PTPRN2: variants seen among roughly 807,000 people sequenced by gnomAD.
The protein encoded by PTPRN2 is protein tyrosine phosphatase receptor type N2.
A neutral mutation model predicts 118.8 loss-of-function variants in PTPRN2; 74 were observed. That is an observed-to-expected ratio of 0.62 (90% CI 0.52 to 0.76). PTPRN2 has a LOEUF of 0.76. PTPRN2 is among the 30% of genes least tolerant of loss of function. The probability of loss-of-function intolerance (pLI) is 0.00; values close to 1 mark genes in which losing one functional copy is unlikely to be tolerated. For missense variants in PTPRN2, 1,481 were observed against 1,394.4 expected, an observed-to-expected ratio of 1.06 and a Z score of -0.99; for synonymous variants, 641 against 608.0, an observed-to-expected ratio of 1.05 and a Z score of -0.80.
chr7:158,271,977 T>C (rs547060382), intron 3 of PTPRN2, among the ~76,000 whole-genome samples: 5 of 152,328 alleles, frequency 3.3e-5, no homozygotes, highest in Non-Finnish European at 7.3e-5. Flanking sequence ...TAATAAGTAA[T>C]TTGTACTTAT....
intron 12 of PTPRN2, among the ~76,000 whole-genome samples, chr7:157,788,673 A>T (rs768941953): frequency 6.6e-6 from 1 of 152,244 alleles, no homozygotes; most frequent in East Asian, 1.9e-4. Flanking sequence ...TGCGGGGAAG[A>T]TGTGTGCTCT....
intron 2 of PTPRN2, among the ~76,000 whole-genome samples, chr7:158,449,763 A>T (rs1817975737): frequency 6.6e-6 from 1 of 152,258 alleles, no homozygotes; most frequent in Non-Finnish European, 1.5e-5. Flanking sequence ...CAGCCCCTGC[A>T]CTGGTGACCC....
chr7:158,228,690 C>A (rs1828977040), intron 3 of PTPRN2, among the ~76,000 whole-genome samples: 2 of 152,114 alleles, frequency 1.3e-5, no homozygotes, highest in African/African-American at 4.8e-5. Context: ...CATGTCTGCA[C>A]CATCCCTCCT....
intron 21 of PTPRN2, among the ~76,000 whole-genome samples, chr7:157,558,005 A>G (rs221281): frequency 0.48 from 71,131 of 147,924 alleles, 17,586 homozygotes; most frequent in South Asian, 0.7. Context: ...CCATCCCATA[A>G]TACTGTTGAG....
chr7:158,168,874 C>T (rs1413211322), intron 5 of PTPRN2, among the ~76,000 whole-genome samples: 1 of 152,200 alleles, frequency 6.6e-6, no homozygotes, highest in African/African-American at 2.4e-5. Flanking sequence ...GTACCTCTGA[C>T]TTGGGCTTCA....
In PTPRN2 at chr7:158,188,064, C is replaced by T. The variant is rs555306398; in HGVS notation, c.549+4263G>A. Reference sequence around the variant, plus strand: ...CAGCAGCCCTGGGGAGCGGCAGGGTCGCAACCCAAGAGATGAACCCCCAGT... The same window carrying T: ...CAGCAGCCCTGGGGAGCGGCAGGGTTGCAACCCAAGAGATGAACCCCCAGT... On this transcript the variant is annotated intron_variant, in intron 5 of 22. Transcript: ENST00000389418. 5.9e-5 allele frequency among the ~76,000 whole-genome samples: 9 copies of T among 152,242 alleles called. No homozygotes were observed. In the South Asian group the frequency reaches 1.5e-3, roughly 25 times the overall value.
rs940968861 is a variant in PTPRN2 at position 157,917,199 on chromosome 7, C to T, written c.1724-18462G>A. The stretch of plus-strand genomic sequence containing the variant: ...AGGACAGGCTGCCGCAGCTGGGGAG[C>T]TTCTGGTTCCCCTTCTTTGCTGTTG... On this transcript the variant is annotated intron_variant, in intron 11 of 22. Transcript: ENST00000389418. Among the ~76,000 whole-genome samples, 8 of 152,278 alleles carry T rather than the reference C, an allele frequency of 5.3e-5. No homozygotes were observed. The East Asian group carries it at 5.8e-4, about 11-fold the overall frequency.
At chr7:157,577,822 C>T (rs1005134464) in intron 18 of PTPRN2, among the ~76,000 whole-genome samples, 199 bp downstream of exon 18, 1 of 151,986 alleles carries the variant, frequency 6.6e-6, no homozygotes. Context: ...CAGCCTCCGT[C>T]CCCTGAACAT....
chr7:157,720,628 C>T (rs1053778608), intron 12 of PTPRN2, among the ~76,000 whole-genome samples: 3 of 152,236 alleles, frequency 2.0e-5, no homozygotes, highest in Non-Finnish European at 4.4e-5. Flanking sequence ...GTGGCTTCCA[C>T]GAGCTACCTC....
chr7:157,928,052 T>C (rs1799128953), intron 11 of PTPRN2, among the ~76,000 whole-genome samples: 2 of 152,162 alleles, frequency 1.3e-5, no homozygotes, highest in South Asian at 2.1e-4. Flanking sequence ...ACTGGGAACA[T>C]GACAGGTGGC....
rs746538756 is a variant in PTPRN2, at chr7:157,881,168, A to G, written c.1788+17505T>C. ...TGTGGAGATGGAGGTGTTTACAGGA[A>G]TCATTACGGTAAAATGAGGTCATGA... On this transcript the variant is annotated intron_variant, in intron 12 of 22. Transcript: ENST00000389418. This position sits in a 1 kb window ranked among gnomAD's most constrained non-coding sequence, Gnocchi z 4.7. 4.0e-4 allele frequency among the ~76,000 whole-genome samples: 54 copies of G among 134,954 alleles called. No homozygotes were observed. The highest frequency in any genetic ancestry group is 1.1e-3 in the African/African-American group (35 of 30,992). The allele number at this position is 134,954 out of a possible 152,430, so 88.5% of individuals were successfully genotyped here. A position where few individuals can be genotyped will look rare whatever the true frequency, so the allele number is the denominator to read the frequency against.
At chr7:157,996,608 G>A (rs1804765880) in intron 11 of PTPRN2, among the ~76,000 whole-genome samples, 1 of 152,172 alleles carries the variant, frequency 6.6e-6, no homozygotes, top group African/African-American at 2.4e-5. Context: ...TTGGAGGGTG[G>A]TGTGGGTTTG....
intron 2 of PTPRN2, among the ~76,000 whole-genome samples, chr7:158,437,786 A>G (rs1182460590): frequency 6.6e-6 from 1 of 152,228 alleles, no homozygotes; most frequent in African/African-American, 2.4e-5. Flanking sequence ...CCTCTGATTC[A>G]ACTCAAGAAT....
At chr7:157,728,200 C>T (rs553408527) in intron 12 of PTPRN2, among the ~76,000 whole-genome samples, 10 of 152,326 alleles carry the variant, frequency 6.6e-5, no homozygotes, top group South Asian at 2.1e-4. Context: ...CAGATGGGGC[C>T]GACTCTGCCG....
chr7:158,211,268 A>G (rs1288202019), intron 3 of PTPRN2, among the ~76,000 whole-genome samples: 2 of 152,202 alleles, frequency 1.3e-5, no homozygotes, highest in Non-Finnish European at 2.9e-5. Flanking sequence ...TAGTGTAAAG[A>G]TTTATTTAGT....
intron 11 of PTPRN2, among the ~76,000 whole-genome samples, chr7:157,927,198 A>G (rs368293827): frequency 0.034 from 1,721 of 50,604 alleles, 99 homozygotes; most frequent in Non-Finnish European, 0.054. Flanking sequence ...GTCTTCTGGG[A>G]CCCCAAAGAC....
At chr7:157,809,535 C>T (rs559086528) in intron 12 of PTPRN2, among the ~76,000 whole-genome samples, 15 of 152,318 alleles carry the variant, frequency 9.8e-5, no homozygotes, top group African/African-American at 2.6e-4. Flanking sequence ...CAGTGAATGC[C>T]GCCTTCTGGA....
chr7:157,624,010 C>A (rs998660267), intron 14 of PTPRN2, among the ~76,000 whole-genome samples: 2 of 152,168 alleles, frequency 1.3e-5, no homozygotes, highest in African/African-American at 2.4e-5. Context: ...GGAAGCTAGG[C>A]CTTCATAGCA....
intron 3 of PTPRN2, among the ~76,000 whole-genome samples, chr7:158,302,700 G>A (rs879317669): frequency 1.3e-5 from 2 of 152,338 alleles, no homozygotes; most frequent in Non-Finnish European, 2.9e-5. Context: ...AACTCCATCC[G>A]GACTCCAAGG....
Sources: allele counts gnomAD v4.1 joint callset (sites outside exome capture counted in the v4.1 genomes callset), GRCh38; gene constraint gnomAD v4.1.1; non-coding constraint Gnocchi (gnomAD v3.1); transcripts MANE v1.5; gene names NCBI Gene and HGNC (gene_info 2026-07-23, HGNC 2026-07-21).